The following PACS2 variants were observed in gnomAD, a reference collection of about 807,000 sequenced individuals.
The protein encoded by PACS2 is PACS1-like protein.
PACS2 carries 36 observed loss-of-function variants against 113.0 expected under a neutral mutation model. The ratio of observed to expected loss-of-function variants is 0.32; its 90% CI spans 0.24 to 0.42. The LOEUF is 0.42. Ranked by LOEUF, PACS2 falls within the 10% of genes least tolerant of loss-of-function variation. The probability of loss-of-function intolerance (pLI) is 1.00; values close to 1 mark genes in which losing one functional copy is unlikely to be tolerated. For synonymous variants in PACS2, 589 were observed against 536.1 expected, an observed-to-expected ratio of 1.10 and a Z score of -1.36; for missense variants, 1,015 against 1,239.5, an observed-to-expected ratio of 0.82 and a Z score of 2.72.
chr14:105,375,678 C>T (rs782745207), intron 8 of PACS2, among the ~76,000 whole-genome samples: 4 of 152,292 alleles, frequency 2.6e-5, no homozygotes, highest in African/African-American at 9.6e-5. Context: ...TGAGGTGTAA[C>T]AGCAGGAACC....
At chr14:105,352,780 TCCC>T (rs2060246198) in intron 3 of PACS2, among the ~76,000 whole-genome samples, 1 of 38,554 alleles carries the variant, frequency 2.6e-5, no homozygotes, top group East Asian at 7.2e-4. Flanking sequence ...AGACAGGCCC[TCCC>T]CATCACTGTT....
chr14:105,354,676 G>A lies in PACS2; in HGVS notation c.298-376G>A, dbSNP rs1458729345. On this transcript the variant is annotated intron_variant, in intron 3 of 24. Transcript: ENST00000447393. The surrounding 1 kb of genome is among the most constrained non-coding windows in gnomAD (Gnocchi z 4.2). Reference sequence around the variant, plus strand: ...TGTGCCCCTCGCGGAAAAGCGTCCTGGGTCCCACCTTGCTGATTGCCTCAG... The same window carrying A: ...TGTGCCCCTCGCGGAAAAGCGTCCTAGGTCCCACCTTGCTGATTGCCTCAG... Among the ~76,000 whole-genome samples, 2 of 152,218 alleles carry A rather than the reference G, an allele frequency of 1.3e-5. No individual in the cohort carries two copies. Among genetic ancestry groups the A allele is most frequent in the African/African-American group, 4.8e-5 (2 of 41,456 alleles).
At chr14:105,341,022 G>A (rs1418564089) in intron 1 of PACS2, among the ~76,000 whole-genome samples, 1 of 152,254 alleles carries the variant, frequency 6.6e-6, no homozygotes, top group Non-Finnish European at 1.5e-5. Flanking sequence ...GGAGACAGCT[G>A]GCAGTCTCGG....
chr14:105,372,443 T>G (rs985918395), intron 8 of PACS2: 1 of 152,216 alleles, frequency 6.6e-6, no homozygotes, highest in Non-Finnish European at 1.5e-5. Context: ...TGTAAAAGCC[T>G]AAAATTTAAA....
chr14:105,383,544 G>T, intron 16 of PACS2, 31 bp downstream of exon 16: 1 of 1,554,242 alleles, frequency 6.4e-7, no homozygotes, highest in Non-Finnish European at 8.7e-7. Flanking sequence ...CTGGGCCTGG[G>T]CACAGATGCC....
intron 16 of PACS2, 109 bp downstream of exon 16, chr14:105,383,622 CGGTGT>C (rs2081071146): frequency 1.8e-6 from 2 of 1,082,756 alleles, no homozygotes; most frequent in South Asian, 1.6e-5. Context: ...TGGCGTGGCG[CGGTGT>C]GTCGTGGTGT....
chr14:105,338,111 G>A (rs1302744776), intron 1 of PACS2, among the ~76,000 whole-genome samples: 3 of 152,226 alleles, frequency 2.0e-5, no homozygotes, highest in Admixed American at 1.3e-4. Flanking sequence ...CTGGGGCCTG[G>A]CGCTGGCCCG....
intron 1 of PACS2, among the ~76,000 whole-genome samples, chr14:105,333,444 A>G (rs73359022): frequency 0.12 from 17,620 of 152,268 alleles, 3,461 homozygotes; most frequent in African/African-American, 0.4. Context: ...CCTGGAAGCC[A>G]GTCCCTGGCC....
intron 1 of PACS2, among the ~76,000 whole-genome samples, chr14:105,319,682 CTG>C (rs2058815876): frequency 1.3e-5 from 2 of 152,176 alleles, no homozygotes; most frequent in Admixed American, 1.3e-4. Flanking sequence ...TCTTGCCTGA[CTG>C]TGCCAGTTGT....
chr14:105,384,584 G>A lies in PACS2; in HGVS notation c.1891+121G>A, dbSNP rs1032828565. The A allele has an allele frequency of 1.8e-5, 12 of 659,074 alleles. No individual in the cohort carries two copies. In the African/African-American group the frequency reaches 2.2e-4, roughly 12 times the overall value. 40.8% of individuals were successfully genotyped at this position (659,074 alleles called of 1,614,324 possible). A position where few individuals can be genotyped will look rare whatever the true frequency, so the allele number is the denominator to read the frequency against. On this transcript the variant is annotated intron_variant, in intron 17 of 24. Coordinates refer to ENST00000447393, the MANE Select transcript of PACS2 (RefSeq NM_001100913.3). ...GGCTCAGCCTCAGGGAAGAGGCCAT[G>A]GACAGGGCCTGCTGGGGCCTTGGCC...
At chr14:105,368,009 G>A (rs1381741687) in intron 5 of PACS2, 65 bp from the exon 6 acceptor site, 1 of 1,034,032 alleles carries the variant, frequency 9.7e-7, no homozygotes, top group East Asian at 2.4e-5. Context: ...GCCTGGGGGT[G>A]GTCACTGCCT....
In PACS2 at chr14:105,330,856, GTGCCCC is replaced by G. The variant is rs2059282868; in HGVS notation, c.119+15820_119+15825del. Among the ~76,000 whole-genome samples, 1 of 152,174 alleles carries G rather than the reference GTGCCCC, an allele frequency of 6.6e-6. No homozygotes were observed. ...TCCCAATTCCATCTCTGTGCCAGCT[GTGCCCC>G]ATGCAGCCTCTACCGGCATCTCACG... On this transcript the variant is annotated intron_variant, in intron 1 of 24. Transcript: ENST00000447393. This position sits in a 1 kb window ranked among gnomAD's most constrained non-coding sequence, Gnocchi z 6.9.
At position 105,308,467 on chromosome 14, in the gene PACS2, G is replaced by C. The variant is rs587703639; in HGVS notation, c.-83+7488G>C. On this transcript the variant is annotated intron_variant, in intron 1 of 23. Transcript: ENST00000430725. ...ATTGTACTCCAGCCTGGGCACGACA[G>C]AGGCAGATTCTGTCTTTTTTTTTTT... 7.9e-5 allele frequency among the ~76,000 whole-genome samples: 12 copies of C among 151,094 alleles called. 1 individual carries two copies. The highest frequency in any genetic ancestry group is 2.9e-4 in the African/African-American group (12 of 41,106).
chr14:105,394,522 G>C lies in PACS2; in HGVS notation c.2597-32G>C, dbSNP rs199711599. 1,279 of 1,608,034 alleles carry C rather than the reference G, an allele frequency of 8.0e-4. 11 individuals are homozygous for C. The African/African-American group carries it at 0.015, about 19-fold the overall frequency. On this transcript the variant is annotated intron_variant, in intron 24 of 24. Transcript: ENST00000447393. ...GGATAGGGTGGGCAGGCCGGGCAGG[G>C]GGGCAGGCGGTCAGGCAGCCCTCTC...
chr14:105,392,197 G>A, intron 22 of PACS2: 1 of 319,572 alleles, frequency 3.1e-6, no homozygotes, highest in South Asian at 3.8e-5. Flanking sequence ...AAGCCATGGG[G>A]GGTTGTGGGC....
intron 1 of PACS2, among the ~76,000 whole-genome samples, chr14:105,321,571 C>T (rs587657047): frequency 1.2e-3 from 188 of 152,158 alleles, no homozygotes; most frequent in Non-Finnish European, 2.3e-3. Flanking sequence ...CCATGTTGCT[C>T]GGGCTGATCT....
chr14:105,385,014 C>T (rs2081125915), intron 18 of PACS2, 27 bp downstream of exon 18: 1 of 1,373,184 alleles, frequency 7.3e-7, no homozygotes, highest in Non-Finnish European at 1.0e-6. Flanking sequence ...AGGCACCATA[C>T]CACAGGCTGC....
rs141750027 is a variant in PACS2 at position 105,397,988 on chromosome 14, A to G, written c.*3316A>G. The G allele has an allele frequency of 1.3e-5, 2 of 152,206 alleles. No homozygotes were observed. The highest frequency in any genetic ancestry group is 4.8e-5 in the African/African-American group (2 of 41,526). 9.4% of individuals were successfully genotyped at this position (152,206 alleles called of 1,614,324 possible). A position where few individuals can be genotyped will look rare whatever the true frequency, so the allele number is the denominator to read the frequency against. ...CAGACCCCCATGCGGTTCATTGTGC[A>G]TTGTTTGGTTTCTAGGATGTATGTG... On this transcript the variant is annotated 3_prime_UTR_variant, in exon 25 of 25. Transcript: ENST00000447393.
rs587634419 is a variant in PACS2, at chr14:105,355,474, C to G, written c.423+297C>G. Among the ~76,000 whole-genome samples the G allele has an allele frequency of 6.6e-6, 1 of 152,346 alleles. No homozygotes were observed. The highest frequency in any genetic ancestry group is 1.9e-4 in the East Asian group (1 of 5,164). ...AGTGGAGGCTGGGTTTTGGGTCAGG[C>G]TGCTCTGGAGTCCTTCCCATGGAGG... is the stretch of plus-strand genomic sequence containing the variant. On this transcript the variant is annotated intron_variant, in intron 4 of 24. Transcript: ENST00000447393. This position sits in a 1 kb window ranked among gnomAD's most constrained non-coding sequence, Gnocchi z 4.1.
Sources: gnomAD v4.1 joint callset for allele counts (sites outside exome capture counted in the v4.1 genomes callset) on GRCh38, gnomAD v4.1.1 for gene constraint, Gnocchi (gnomAD v3.1) non-coding constraint, MANE v1.5 for transcripts, NCBI Gene and HGNC (gene_info 2026-07-23, HGNC 2026-07-21) for gene names.